The following KMT2E variants were observed in gnomAD, a reference collection of about 807,000 sequenced individuals.
KMT2E encodes the protein lysine methyltransferase 2E (inactive).
Under a neutral mutation model 184.6 loss-of-function variants are expected in KMT2E, and 30 were observed. That is an observed-to-expected ratio of 0.16 (90% confidence interval 0.12 to 0.22). KMT2E has a LOEUF of 0.22. Among genes scored for constraint, KMT2E ranks in the 10% least tolerant of loss-of-function variants. The pLI, the probability that KMT2E is intolerant of heterozygous loss-of-function variation, is 1.00. For synonymous variants in KMT2E, 815 were observed against 776.5 expected, an observed-to-expected ratio of 1.05 and a Z score of -0.82; for missense variants, 2,023 against 2,237.4, an observed-to-expected ratio of 0.90 and a Z score of 1.93.
intron 3 of KMT2E, among the ~76,000 whole-genome samples, chr7:105,055,977 C>T (rs570010176): frequency 1.3e-5 from 2 of 151,618 alleles, no homozygotes; most frequent in African/African-American, 4.8e-5. Context: ...ACTGTGTGCT[C>T]AAATGTTTAT....
intron 3 of KMT2E, among the ~76,000 whole-genome samples, chr7:105,055,560 C>G (rs1375445463): frequency 6.6e-6 from 1 of 152,160 alleles, no homozygotes; most frequent in East Asian, 1.9e-4. Context: ...ATGTAGATTT[C>G]TAAGCTCAAT....
At chr7:105,111,669 T>C (rs1799288350) in intron 26 of KMT2E, among the ~76,000 whole-genome samples, 156 bp from the exon 27 acceptor site, 1 of 152,186 alleles carries the variant, frequency 6.6e-6, no homozygotes, top group African/African-American at 2.4e-5. Flanking sequence ...ATATTGGCCT[T>C]TTAACATCCC....
intron 15 of KMT2E, among the ~76,000 whole-genome samples, chr7:105,097,534 C>T (rs1328822082): frequency 2.0e-5 from 3 of 152,022 alleles, no homozygotes; most frequent in East Asian, 1.9e-4. Context: ...TACAGGTGCC[C>T]ACCACCACGC....
At position 105,063,885 on chromosome 7, in the gene KMT2E, A is replaced by G. The variant is rs1358968220; in HGVS notation, c.416+305A>G. Reference sequence around the variant, plus strand: ...AAACATAGCAGTAGACAAGATAGAAATGAGAGAATTTAGTCTTTTGTATTT... The same window carrying G: ...AAACATAGCAGTAGACAAGATAGAAGTGAGAGAATTTAGTCTTTTGTATTT... On this transcript the variant is annotated intron_variant, in intron 5 of 26. Transcript: ENST00000311117. The G allele has an allele frequency of 4.6e-5, 21 of 458,312 alleles. No individual in the cohort carries two copies. In the East Asian group the frequency reaches 6.1e-4, roughly 13 times the overall value. 28.4% of individuals were successfully genotyped at this position (458,312 alleles called of 1,614,324 possible). A position where few individuals can be genotyped will look rare whatever the true frequency, so the allele number is the denominator to read the frequency against.
At chr7:105,033,492 T>G (rs549533893) in intron 1 of KMT2E, among the ~76,000 whole-genome samples, 2 of 152,114 alleles carry the variant, frequency 1.3e-5, no homozygotes, top group Non-Finnish European at 2.9e-5. Flanking sequence ...TGCTTTTTTT[T>G]GTTGCTTTTT....
intron 3 of KMT2E, among the ~76,000 whole-genome samples, chr7:105,058,743 G>A (rs184173484): frequency 1.2e-3 from 180 of 152,226 alleles, no homozygotes; most frequent in Non-Finnish European, 1.8e-3. Flanking sequence ...TTCATTACCT[G>A]CTACTAGGTT....
Position 105,072,009 on chromosome 7 carries a change from G to T in KMT2E, c.498-1610G>T, listed in dbSNP as rs141762976. Among the ~76,000 whole-genome samples, 318 of 152,060 alleles carry T rather than the reference G, an allele frequency of 2.1e-3. 1 individual carries two copies. Among genetic ancestry groups the T allele is most frequent in the Non-Finnish European group, 3.3e-3 (222 of 67,966 alleles). On this transcript the variant is annotated intron_variant, in intron 6 of 26. Coordinates refer to ENST00000311117, the MANE Select transcript of KMT2E (RefSeq NM_182931.3). ...CTGATGATGAATTCAGTAAAAGTTG[G>T]TTAAAAAGTTACCATTAGGAGGCCG...
intron 13 of KMT2E, among the ~76,000 whole-genome samples, chr7:105,087,339 G>T (rs1798026704): frequency 6.9e-6 from 1 of 145,880 alleles, no homozygotes; most frequent in Non-Finnish European, 1.5e-5. Context: ...ATATATGCTA[G>T]CTCATGTTGA....
At chr7:105,055,137 C>A (rs946619138) in intron 3 of KMT2E, among the ~76,000 whole-genome samples, 2 of 151,574 alleles carry the variant, frequency 1.3e-5, no homozygotes, top group Non-Finnish European at 1.5e-5. Flanking sequence ...TACTACTACT[C>A]CACTTACATC....
chr7:105,045,318 T>C (rs1165064924), intron 3 of KMT2E, among the ~76,000 whole-genome samples: 2 of 152,202 alleles, frequency 1.3e-5, no homozygotes, highest in East Asian at 3.8e-4. Context: ...AGATACAACA[T>C]TTATCGTGTT....
intron 3 of KMT2E, among the ~76,000 whole-genome samples, chr7:105,054,795 G>A (rs1277071563): frequency 6.6e-6 from 1 of 152,094 alleles, no homozygotes; most frequent in East Asian, 1.9e-4. Flanking sequence ...GATTACAGGC[G>A]TGAGCTACCA....
rs1796846536 is a variant in KMT2E, at chr7:105,062,287, T to TA, written c.186+12dup. The TA allele has an allele frequency of 6.4e-7, 1 of 1,557,158 alleles. No individual in the cohort carries two copies. Among genetic ancestry groups the TA allele is most frequent in the Non-Finnish European group, 8.8e-7 (1 of 1,134,142 alleles). On this transcript the variant is annotated intron_variant, in intron 4 of 26. Transcript: ENST00000311117. ...TTGGTTTGCCCTATGCGGTAAGTGTTAAACACTTCTTTGAAAAAACATTTT... is the reference window on the plus strand; with the variant it reads ...TTGGTTTGCCCTATGCGGTAAGTGTTAAAACACTTCTTTGAAAAAACATTTT...
chr7:105,083,029 T>C (rs1268823379), intron 13 of KMT2E, among the ~76,000 whole-genome samples: 1 of 152,234 alleles, frequency 6.6e-6, no homozygotes, highest in Non-Finnish European at 1.5e-5. Context: ...CATATCTGTA[T>C]TCTTCCTTCA....
intron 13 of KMT2E, among the ~76,000 whole-genome samples, chr7:105,088,255 A>G (rs1020342585): frequency 1.3e-5 from 2 of 152,172 alleles, no homozygotes; most frequent in Non-Finnish European, 1.5e-5. Context: ...ATACTCACCT[A>G]AAGTGCTTAA....
chr7:105,070,886 A>G (rs761807050), intron 6 of KMT2E, among the ~76,000 whole-genome samples: 12 of 152,202 alleles, frequency 7.9e-5, no homozygotes, highest in Non-Finnish European at 1.2e-4. Context: ...GAAGTATTCT[A>G]TCATTCTAAA....
chr7:105,112,292 G>GGCAACTTCT lies in KMT2E; in HGVS notation c.4538_4546dup (p.Ala1513_Ser1515dup). On this transcript the variant is annotated inframe_insertion, in exon 27 of 27. Transcript: ENST00000311117. Reference sequence around the variant, plus strand: ...AGAACCTTCCAGCCAATACTCAGCAGGCAACTTCTGGAACATTATTTACAC... The same window carrying GGCAACTTCT: ...AGAACCTTCCAGCCAATACTCAGCAGGCAACTTCTGCAACTTCTGGAACATTATTTACAC... 6.2e-7 allele frequency: 1 copy of GGCAACTTCT among 1,613,976 alleles called. No individual in the cohort carries two copies. The highest frequency in any genetic ancestry group is 8.5e-7 in the Non-Finnish European group (1 of 1,180,018).
At chr7:105,106,895 C>CTAAAAATCAGAAAAAT in intron 20 of KMT2E, 123 bp downstream of exon 20, 1 of 992,732 alleles carries the variant, frequency 1.0e-6, no homozygotes, top group East Asian at 2.5e-5. Context: ...TTGTAAGAAA[C>CTAAAAATCAGAAAAAT]TAAAAATCAG....
At chr7:105,098,575 GT>G (rs1163470339) in intron 15 of KMT2E, among the ~76,000 whole-genome samples, 1 of 151,932 alleles carries the variant, frequency 6.6e-6, no homozygotes. Context: ...GCTAATTTTT[GT>G]TTTTTTAGTA....
At chr7:105,070,061 T>G (rs1562905300) in intron 6 of KMT2E, among the ~76,000 whole-genome samples, 1 of 152,184 alleles carries the variant, frequency 6.6e-6, no homozygotes, top group African/African-American at 2.4e-5. Context: ...TGTACCATAG[T>G]TTCTTTAACC....
Sources: allele counts gnomAD v4.1 joint callset (sites outside exome capture counted in the v4.1 genomes callset), GRCh38; gene constraint gnomAD v4.1.1; transcripts MANE v1.5; gene names NCBI Gene and HGNC (gene_info 2026-07-23, HGNC 2026-07-21).